Variants in RGS6 observed in about 807,000 individuals in gnomAD.
RGS6 encodes regulator of G protein signaling 6, also known as regulator of G-protein signaling 6.
Under a neutral mutation model 78.5 loss-of-function variants are expected in RGS6, and 30 were observed. The observed-to-expected ratio is 0.38, with a 90% CI of 0.29 to 0.52. The LOEUF (loss-of-function observed/expected upper bound fraction) is 0.52, where lower values mean the gene tolerates loss of function less well. Among genes scored for constraint, RGS6 ranks in the 20% least tolerant of loss-of-function variants. The pLI, the probability that RGS6 is intolerant of heterozygous loss-of-function variation, is 0.85. For synonymous variants in RGS6, 206 were observed against 206.0 expected (o/e 1.00, Z 0.00); for missense variants, 495 against 609.7 (o/e 0.81, Z 1.98).
chr14:72,512,547 C>T (rs1383074181), intron 14 of RGS6, among the ~76,000 whole-genome samples: 3 of 152,140 alleles, frequency 2.0e-5, no homozygotes, highest in African/African-American at 7.2e-5. Flanking sequence ...TGTTCATGTG[C>T]CAGAGCCTAA....
At chr14:71,893,231 G>A in the RGS6 span, among the ~76,000 whole-genome samples, 15 of 152,336 alleles carry the variant, frequency 9.8e-5, no homozygotes, top group African/African-American at 3.6e-4. Flanking sequence ...TCTCTGACTT[G>A]CATTAGAGGG....
chr14:72,376,476 A>T (rs1449619789), intron 3 of RGS6, among the ~76,000 whole-genome samples: 4 of 152,174 alleles, frequency 2.6e-5, no homozygotes, highest in Non-Finnish European at 5.9e-5. Context: ...TCTTGGGAGA[A>T]AGATCCAGGA....
intron 2 of RGS6, among the ~76,000 whole-genome samples, chr14:72,114,430 T>C (rs2095843257): frequency 6.6e-6 from 1 of 152,184 alleles, no homozygotes; most frequent in African/African-American, 2.4e-5. Context: ...TGGTAGTTGA[T>C]AATTTCTGAC....
In RGS6 at chr14:72,116,378, G is replaced by C. The variant is rs937818807; in HGVS notation, c.84+151503G>C. Among the ~76,000 whole-genome samples, 6 of 152,036 alleles carry C rather than the reference G, an allele frequency of 3.9e-5. No individual in the cohort carries two copies. In the East Asian group the frequency reaches 1.2e-3, roughly 29 times the overall value. ...CGTGAGGCTCTTACATTGTTTTCCA[G>C]GTTTTCTCAACCATGACATCATTGG... On this transcript the variant is annotated intron_variant, in intron 2 of 17. Transcript: ENST00000553525.
At chr14:71,983,120 C>A (rs1455334595) in intron 2 of RGS6, among the ~76,000 whole-genome samples, 1 of 152,086 alleles carries the variant, frequency 6.6e-6, no homozygotes, top group East Asian at 1.9e-4. Context: ...GGCTAATGGC[C>A]AGGATCTGGA....
At chr14:71,872,185 C>A in the RGS6 span, among the ~76,000 whole-genome samples, 2 of 152,198 alleles carry the variant, frequency 1.3e-5, no homozygotes, top group African/African-American at 4.8e-5. Flanking sequence ...TCATGTTCGT[C>A]TCACTAAGAG....
chr14:72,562,584 G>A lies in RGS6; in HGVS notation c.*117G>A. 1 of 1,550,830 alleles carries A rather than the reference G, an allele frequency of 6.4e-7. No homozygotes were observed. The highest frequency in any genetic ancestry group is 2.4e-5 in the East Asian group (1 of 41,804). On this transcript the variant is annotated 3_prime_UTR_variant, in exon 18 of 18. Coordinates refer to ENST00000553525, the MANE Select transcript of RGS6 (RefSeq NM_001204424.2). The stretch of plus-strand genomic sequence containing the variant: ...AGACTTGGTCACTGTGAAGGAGAAA[G>A]AGTGAGGGCAATGAAGGGCGATGGT...
chr14:71,992,022 C>CT (rs11463702), intron 2 of RGS6, among the ~76,000 whole-genome samples: 123,541 of 140,874 alleles, frequency 0.88, 54,781 homozygotes, highest in Non-Finnish European at 0.94. Flanking sequence ...TCTAGAATAT[C>CT]TTTTTTTTTT....
chr14:71,926,397 A>C, the RGS6 span, among the ~76,000 whole-genome samples: 422 of 152,322 alleles, frequency 2.8e-3, no homozygotes, highest in African/African-American at 7.1e-3. Flanking sequence ...CAGCCTGGCC[A>C]ACATGGCAAA....
At chr14:71,984,060 A>C (rs1244358409) in intron 2 of RGS6, among the ~76,000 whole-genome samples, 2 of 152,180 alleles carry the variant, frequency 1.3e-5, no homozygotes, top group South Asian at 2.1e-4. Flanking sequence ...CAGGAGGAAA[A>C]TAAGCTTTGG....
At chr14:71,882,289 A>G in the RGS6 span, among the ~76,000 whole-genome samples, 3 of 152,124 alleles carry the variant, frequency 2.0e-5, no homozygotes, top group Non-Finnish European at 4.4e-5. Flanking sequence ...ATTTCTTTTT[A>G]TGGCTGAATA....
At chr14:72,259,808 G>A (rs987251514) in intron 2 of RGS6, among the ~76,000 whole-genome samples, 1 of 151,404 alleles carries the variant, frequency 6.6e-6, no homozygotes, top group Non-Finnish European at 1.5e-5. Flanking sequence ...CTACTCAGGA[G>A]GCTGAGGCCG....
At position 72,032,779 on chromosome 14, in the gene RGS6, C is replaced by T. The variant is rs554536951; in HGVS notation, c.84+67904C>T. On this transcript the variant is annotated intron_variant, in intron 2 of 17. Coordinates refer to ENST00000553525, the MANE Select transcript of RGS6 (RefSeq NM_001204424.2). ...GTTCATCTATATTGTAGCTTATTGCCAGATTTCCTTCTTTTTAAGGCTGAA... is the reference window on the plus strand; with the variant it reads ...GTTCATCTATATTGTAGCTTATTGCTAGATTTCCTTCTTTTTAAGGCTGAA... Among the ~76,000 whole-genome samples, 9 of 152,120 alleles carry T rather than the reference C, an allele frequency of 5.9e-5. No homozygotes were observed. In the South Asian group the frequency reaches 1.9e-3, roughly 32 times the overall value.
intron 2 of RGS6, among the ~76,000 whole-genome samples, chr14:72,187,440 A>C (rs1003746822): frequency 1.3e-5 from 2 of 152,222 alleles, no homozygotes; most frequent in Non-Finnish European, 2.9e-5. Flanking sequence ...TGCCATAAGA[A>C]GATGGCATGG....
chr14:72,492,880 A>G (rs949968396), intron 12 of RGS6, among the ~76,000 whole-genome samples: 4 of 152,200 alleles, frequency 2.6e-5, no homozygotes, highest in African/African-American at 9.7e-5. Context: ...GGCTGCTTTT[A>G]TGCCACAGCA....
At chr14:71,990,652 C>A in intron 2 of RGS6, 1 of 456,044 alleles carries the variant, frequency 2.2e-6, no homozygotes, top group Non-Finnish European at 4.4e-6. Flanking sequence ...GCAGCTTCTT[C>A]TGCCCACCCC....
chr14:72,583,873 G>A, the RGS6 span, among the ~76,000 whole-genome samples: 3 of 152,184 alleles, frequency 2.0e-5, no homozygotes, highest in Non-Finnish European at 4.4e-5. Context: ...CCTGCACTGG[G>A]TCCAGAGCTG....
intron 2 of RGS6, among the ~76,000 whole-genome samples, chr14:72,289,678 A>G (rs2063230751): frequency 6.6e-6 from 1 of 152,208 alleles, no homozygotes; most frequent in South Asian, 2.1e-4. Flanking sequence ...TCAAAGGTGA[A>G]ATTCAGCCCA....
At chr14:72,223,207 T>G (rs1174370557) in intron 2 of RGS6, among the ~76,000 whole-genome samples, 1 of 152,224 alleles carries the variant, frequency 6.6e-6, no homozygotes, top group Non-Finnish European at 1.5e-5. Flanking sequence ...TAAGATATTC[T>G]TCCCAGGTTT....
Sources: gnomAD v4.1 joint callset for allele counts (sites outside exome capture counted in the v4.1 genomes callset) on GRCh38, gnomAD v4.1.1 for gene constraint, MANE v1.5 for transcripts, NCBI Gene and HGNC (gene_info 2026-07-23, HGNC 2026-07-21) for gene names.